PC: variants seen among roughly 807,000 people sequenced by gnomAD.
PC encodes the protein pyruvate carboxylase, mitochondrial.
A neutral mutation model predicts 107.8 loss-of-function variants in PC; 46 were observed. The ratio of observed to expected loss-of-function variants is 0.43; its 90% CI spans 0.34 to 0.55. PC has a LOEUF of 0.55. PC is among the 20% of genes least tolerant of loss of function. The probability of loss-of-function intolerance (pLI) is 0.04; values close to 1 mark genes in which losing one functional copy is unlikely to be tolerated. For synonymous variants in PC, 662 were observed against 684.7 expected, an observed-to-expected ratio of 0.97 and a Z score of 0.52; for missense variants, 1,241 against 1,643.1, an observed-to-expected ratio of 0.76 and a Z score of 4.23.
rs2135936339 is a variant in PC at position 66,870,507 on chromosome 11, A to T, written c.752-54T>A. ...TTTTACTGGAATCTACACGCCTCCT[A>T]AATGCCCCATCACCCCCACATAACC... is the stretch of plus-strand genomic sequence containing the variant. On this transcript the variant is annotated intron_variant, in intron 8 of 22. Transcript: ENST00000393960. This position sits in a 1 kb window ranked among gnomAD's most constrained non-coding sequence, Gnocchi z 6.1. 1 of 1,588,766 alleles carries T rather than the reference A, an allele frequency of 6.3e-7. No homozygotes were observed. Among genetic ancestry groups the T allele is most frequent in the East Asian group, 2.2e-5 (1 of 44,708 alleles).
At chr11:66,915,583 T>C (rs1948444680) in intron 3 of PC, among the ~76,000 whole-genome samples, 1 of 152,164 alleles carries the variant, frequency 6.6e-6, no homozygotes, top group Non-Finnish European at 1.5e-5. Flanking sequence ...GACCACTCCG[T>C]GCCCTGTGAT....
At chr11:66,899,524 GT>G (rs894773958) in intron 3 of PC, among the ~76,000 whole-genome samples, 7 of 151,314 alleles carry the variant, frequency 4.6e-5, no homozygotes, top group Non-Finnish European at 5.9e-5. Flanking sequence ...CAAGTAGCTA[GT>G]TTTTTTTTCC....
intron 3 of PC, among the ~76,000 whole-genome samples, chr11:66,886,058 G>A (rs184340012): frequency 6.6e-6 from 1 of 152,236 alleles, no homozygotes; most frequent in Non-Finnish European, 1.5e-5. Context: ...GGGGCAGGCT[G>A]AGTGAGAGGC....
chr11:66,860,696 G>A (rs1292233715), intron 12 of PC: 2 of 700,952 alleles, frequency 2.9e-6, no homozygotes, highest in Non-Finnish European at 5.2e-6. Flanking sequence ...TTGGGCAGGC[G>A]GCCTACCCTC....
chr11:66,860,627 G>A lies in PC; in HGVS notation c.1368+3147C>T, dbSNP rs745379633. ...CTCCTGGCTTCCTGTCCACAGGGGC[G>A]GCCCAGGGCTGCGGCCAAGGGCTGT... On this transcript the variant is annotated intron_variant, in intron 12 of 22. Transcript: ENST00000393960. 26 of 701,584 alleles carry A rather than the reference G, an allele frequency of 3.7e-5. 1 individual carries two copies. The East Asian group carries it at 4.6e-4, about 12-fold the overall frequency. The allele number at this position is 701,584 out of a possible 1,614,324, so 43.5% of individuals were successfully genotyped here.
chr11:66,899,216 T>A (rs1470902682), intron 3 of PC, among the ~76,000 whole-genome samples: 1 of 152,102 alleles, frequency 6.6e-6, no homozygotes, highest in Non-Finnish European at 1.5e-5. Context: ...ATGTGGGTTT[T>A]GGGTCTGGCT....
At position 66,852,887 on chromosome 11, in the gene PC, CGAG is replaced by C. The variant is rs769465327; in HGVS notation, c.1514-54_1514-52del. On this transcript the variant is annotated intron_variant, in intron 13 of 22. Coordinates refer to ENST00000393960, the MANE Select transcript of PC (RefSeq NM_001040716.2). The surrounding 1 kb of genome is among the most constrained non-coding windows in gnomAD (Gnocchi z 4.7). ...AGGGTGGGCTGGGCAGAGGCTGAGT[CGAG>C]GGCAGCAGTGAGAGTGGCTGGGCTC... 1 of 1,355,740 alleles carries C rather than the reference CGAG, an allele frequency of 7.4e-7. No individual in the cohort carries two copies. The highest frequency in any genetic ancestry group is 1.4e-5 in the African/African-American group (1 of 69,338). 84.0% of individuals were successfully genotyped at this position (1,355,740 alleles called of 1,614,324 possible). A position where few individuals can be genotyped will look rare whatever the true frequency, so the allele number is the denominator to read the frequency against.
At chr11:66,861,501 C>T (rs1946255187) in intron 12 of PC, among the ~76,000 whole-genome samples, 1 of 152,224 alleles carries the variant, frequency 6.6e-6, no homozygotes, top group Admixed American at 6.5e-5. Flanking sequence ...CTGGCTCACA[C>T]GCGTGTGCCT....
At chr11:66,881,596 A>T (rs572380480) in intron 3 of PC, among the ~76,000 whole-genome samples, 8 of 152,060 alleles carry the variant, frequency 5.3e-5, no homozygotes. Context: ...CACAACACAT[A>T]CTCACTGAGC....
Position 66,870,337 on chromosome 11 carries a change from G to A in PC, c.868C>T (p.Arg290Trp), listed in dbSNP as rs139852164. 9.3e-6 allele frequency: 15 copies of A among 1,613,418 alleles called. No individual in the cohort carries two copies. The highest frequency in any genetic ancestry group is 2.2e-5 in the South Asian group (2 of 91,082). ...AAHLDPQLRT[R>W]LTSDSVKLAK... ...AGTTTCACAGAGTCGCTGGTGAGCC[G>A]AGTCCGAAGCTGCGGGTCCAGGTGG... The change falls in exon 9 of 23, where the codon CGG becomes TGG. Residue 290 changes from arginine to tryptophan, a missense_variant. Around this residue, in one of 2 missense-constraint regions of PC, gnomAD observed 1,143 missense variants for 1,551.9 expected, o/e 0.74. Transcript: ENST00000393960. The surrounding 1 kb of genome is among the most constrained non-coding windows in gnomAD (Gnocchi z 6.1).
At chr11:66,887,897 C>T (rs1041830569) in intron 3 of PC, among the ~76,000 whole-genome samples, 5 of 152,374 alleles carry the variant, frequency 3.3e-5, no homozygotes, top group South Asian at 4.1e-4. Context: ...TGCGCCCCTC[C>T]GAGGGCCTGC....
chr11:66,850,936 GGAGAGAGAGA>G lies in PC; in HGVS notation c.2224-23_2224-14del. 1 of 1,551,656 alleles carries G rather than the reference GGAGAGAGAGA, an allele frequency of 6.4e-7. No individual in the cohort carries two copies. The highest frequency in any genetic ancestry group is 8.8e-7 in the Non-Finnish European group (1 of 1,139,202). Reference sequence around the variant, plus strand: ...GCCCGGCCATGTCCTGGGGGAAGTGGGAGAGAGAGAGAGAGAGATGGTAGAGAGGGCAGGA... The same window carrying G: ...GCCCGGCCATGTCCTGGGGGAAGTGGGAGAGAGATGGTAGAGAGGGCAGGA... On this transcript the variant is annotated splice_polypyrimidine_tract_variant and intron_variant, in intron 17 of 22. Coordinates refer to ENST00000393960, the MANE Select transcript of PC (RefSeq NM_001040716.2).
intron 3 of PC, among the ~76,000 whole-genome samples, chr11:66,943,130 G>A (rs1464284631): frequency 6.6e-6 from 1 of 152,082 alleles, no homozygotes; most frequent in African/African-American, 2.4e-5. Context: ...ATTAAGAGGT[G>A]GGGCCTTGAG....
chr11:66,953,729 G>A (rs935343374), intron 2 of PC, among the ~76,000 whole-genome samples: 12 of 152,164 alleles, frequency 7.9e-5, no homozygotes, highest in Admixed American at 5.9e-4. Flanking sequence ...TGCCCACAAA[G>A]TGCCAAAAAG....
Position 66,852,431 on chromosome 11 carries a change from C to T in PC, c.1825+8G>A, listed in dbSNP as rs1945555255. The T allele has an allele frequency of 1.2e-6, 2 of 1,611,296 alleles. No individual in the cohort carries two copies. Among genetic ancestry groups the T allele is most frequent in the Non-Finnish European group, 1.7e-6 (2 of 1,177,702 alleles). On this transcript the variant is annotated splice_region_variant and intron_variant, in intron 15 of 22. Coordinates refer to ENST00000393960, the MANE Select transcript of PC (RefSeq NM_001040716.2). The surrounding 1 kb of genome is among the most constrained non-coding windows in gnomAD (Gnocchi z 4.7). Reference sequence around the variant, plus strand: ...TCCTACCAGGCGCTGCGCAGCATGCCAGCCTACCTCCCCAGTTCTCCATGC... The same window carrying T: ...TCCTACCAGGCGCTGCGCAGCATGCTAGCCTACCTCCCCAGTTCTCCATGC...
intron 3 of PC, among the ~76,000 whole-genome samples, chr11:66,932,664 G>A (rs1948890696): frequency 1.3e-5 from 2 of 152,166 alleles, no homozygotes; most frequent in African/African-American, 4.8e-5. Context: ...TAAACTGTGT[G>A]TTCTCTCCAG....
At chr11:66,860,064 T>TA (rs1207881777) in intron 12 of PC, 4 of 1,565,106 alleles carry the variant, frequency 2.6e-6, no homozygotes, top group Non-Finnish European at 8.7e-7. Flanking sequence ...AGATGCCGGG[T>TA]GCTACGGTTA....
chr11:66,855,436 C>T (rs1182729138), intron 12 of PC, among the ~76,000 whole-genome samples: 2 of 152,270 alleles, frequency 1.3e-5, no homozygotes, highest in Middle Eastern at 3.4e-3. Context: ...TGCCTCATCC[C>T]AACAGACATG....
chr11:66,850,733 G>A lies in PC; in HGVS notation c.2414C>T (p.Thr805Ile). 6.2e-7 allele frequency: 1 copy of A among 1,611,508 alleles called. No homozygotes were observed. The highest frequency in any genetic ancestry group is 8.5e-7 in the Non-Finnish European group (1 of 1,179,908). ...CAGGGCCCCCATGCTGGGCTGTGAA[G>A]TCATCCCAGACATGGAATCAGCTGC... ...DVAADSMSGM[T>I]SQPSMGALVA... is the part of the protein sequence containing the mutation. The change falls in exon 18 of 23, where the codon ACT becomes ATT. Residue 805 changes from threonine to isoleucine, a missense_variant. This residue lies in a region of PC where 1,143 missense variants were observed against 1,551.9 expected (regional missense o/e 0.74). Transcript: ENST00000393960.
Sources: allele counts gnomAD v4.1 joint callset (sites outside exome capture counted in the v4.1 genomes callset), GRCh38; gene constraint gnomAD v4.1.1; regional missense constraint gnomAD v4.1.1; non-coding constraint Gnocchi (gnomAD v3.1); transcripts MANE v1.5; gene names NCBI Gene and HGNC (gene_info 2026-07-23, HGNC 2026-07-21).